Variants in RYR1 observed in about 807,000 individuals in gnomAD.
The protein encoded by RYR1 is ryanodine receptor 1, also known as central core disease of muscle.
Under a neutral mutation model 583.5 loss-of-function variants are expected in RYR1, and 342 were observed. That is an observed-to-expected ratio of 0.59 (90% CI 0.54 to 0.64). The LOEUF (loss-of-function observed/expected upper bound fraction) is 0.64, where lower values mean the gene tolerates loss of function less well. RYR1 is among the 30% of genes least tolerant of loss of function. The pLI is 0.00. For synonymous variants in RYR1, 2,791 were observed against 2,822.5 expected (o/e 0.99, Z 0.35); for missense variants, 6,032 against 6,917.2 (o/e 0.87, Z 4.54).
rs1415215159 is a variant in RYR1 at position 38,532,410 on chromosome 19, A to T, written c.11142-80A>T. The T allele has an allele frequency of 2.1e-6, 3 of 1,433,454 alleles. No homozygotes were observed. The African/African-American group carries it at 4.2e-5, about 20-fold the overall frequency. 88.8% of individuals were successfully genotyped at this position (1,433,454 alleles called of 1,614,324 possible). ...AGTGTTGGGATTACAGGCATGAGCC[A>T]CCGCACCCTGCCCAGAAGCTCTTAT... On this transcript the variant is annotated intron_variant, in intron 76 of 105. Coordinates refer to ENST00000359596, the MANE Select transcript of RYR1 (RefSeq NM_000540.3).
At chr19:38,540,043 G>A (rs867781199) in intron 84 of RYR1, among the ~76,000 whole-genome samples, 2 of 152,248 alleles carry the variant, frequency 1.3e-5, no homozygotes, top group Middle Eastern at 3.4e-3. Context: ...TAGGCAAAAT[G>A]GGCCTTCTGT....
intron 29 of RYR1, among the ~76,000 whole-genome samples, chr19:38,476,225 G>A (rs975360744): frequency 6.6e-5 from 10 of 151,912 alleles, no homozygotes; most frequent in Non-Finnish European, 1.2e-4. Context: ...TTGAGATGGA[G>A]TCTCAGCCTG....
chr19:38,509,134 CGTCTCACCTCAAAGCCTGCCT>C (rs1568517179), intron 58 of RYR1, among the ~76,000 whole-genome samples: 4 of 152,090 alleles, frequency 2.6e-5, no homozygotes. Flanking sequence ...TTCGCTGTCA[CGTCTCACCTCAAAGCCTGCCT>C]GCTGAGCTTC....
Position 38,433,739 on chromosome 19 carries a change from G to A in RYR1, c.-91G>A. 5.6e-6 allele frequency: 4 copies of A among 719,096 alleles called. No homozygotes were observed. The highest frequency in any genetic ancestry group is 7.5e-6 in the Non-Finnish European group (3 of 397,778). The allele number at this position is 719,096 out of a possible 1,614,324, so 44.5% of individuals were successfully genotyped here. On this transcript the variant is annotated 5_prime_UTR_variant, in exon 1 of 106. Coordinates refer to ENST00000359596, the MANE Select transcript of RYR1 (RefSeq NM_000540.3). ...GCCTCTGGTGTCTCCAGAGGTCTCC[G>A]ACCCCAGCCCGCCCCCAGCCCTCCC...
In RYR1 at chr19:38,502,892, G is replaced by A. The variant is rs200708363; in HGVS notation, c.7848G>A (p.Pro2616=). 12 of 1,611,214 alleles carry A rather than the reference G, an allele frequency of 7.4e-6. No homozygotes were observed. The highest frequency in any genetic ancestry group is 2.2e-5 in the East Asian group (1 of 44,876). Residue 2616 remains proline, a synonymous_variant, in exon 49 of 106, where the codon CCG becomes CCA. Transcript: ENST00000359596. ...CLMSLCRYIR[P]SMLQHLLRRL... ...CATTGTCCCGCAGGTACATCCGCCCGTCGATGCTGCAGCACCTGTTGCGCC... is the reference window on the plus strand; with the variant it reads ...CATTGTCCCGCAGGTACATCCGCCCATCGATGCTGCAGCACCTGTTGCGCC...
intron 7 of RYR1, among the ~76,000 whole-genome samples, chr19:38,445,196 C>T (rs1397219407): frequency 8.6e-6 from 1 of 116,874 alleles, no homozygotes; most frequent in Non-Finnish European, 1.6e-5. Context: ...GCAGAGGAGC[C>T]TGGGTGACAG....
In RYR1 at chr19:38,496,105, T is replaced by G; in HGVS notation, c.6549-110T>G. 1 of 898,182 alleles carries G rather than the reference T, an allele frequency of 1.1e-6. No homozygotes were observed. Among genetic ancestry groups the G allele is most frequent in the South Asian group, 1.4e-5 (1 of 73,482 alleles). 55.6% of individuals were successfully genotyped at this position (898,182 alleles called of 1,614,324 possible). ...GAGTTCAGATCTGTAAAGGCGGTGG[T>G]GCTAGGCACAGAGTGAGAGGGTCAA... is the stretch of plus-strand genomic sequence containing the variant. On this transcript the variant is annotated intron_variant, in intron 39 of 105. Transcript: ENST00000359596. The surrounding 1 kb of genome is among the most constrained non-coding windows in gnomAD (Gnocchi z 4.8).
chr19:38,511,444 T>A lies in RYR1; in HGVS notation c.9123-117T>A, dbSNP rs140799636. On this transcript the variant is annotated intron_variant, in intron 60 of 105. Transcript: ENST00000359596. ...CTCCATCATTTGGACCCCCTCCTGG[T>A]TCCTCTCTCCTTGTCTTCTCTGTCC... 1.5e-4 allele frequency: 162 copies of A among 1,064,386 alleles called. 1 individual carries two copies. In the African/African-American group the frequency reaches 2.2e-3, roughly 15 times the overall value. The allele number at this position is 1,064,386 out of a possible 1,614,324, so 65.9% of individuals were successfully genotyped here.
intron 93 of RYR1, among the ~76,000 whole-genome samples, chr19:38,568,579 TA>T (rs1307777032): frequency 4.0e-4 from 15 of 37,248 alleles, no homozygotes; most frequent in Admixed American, 2.0e-3. Context: ...CTACTAAAAA[TA>T]CAAAAAAAAA....
intron 63 of RYR1, 55 bp from the exon 64 acceptor site, chr19:38,514,971 G>C (rs962697041): frequency 2.4e-6 from 3 of 1,224,962 alleles, no homozygotes; most frequent in Non-Finnish European, 3.6e-6. Flanking sequence ...GAGGTGGGGT[G>C]GGGAGGGCTT....
At position 38,565,222 on chromosome 19, in the gene RYR1, G is replaced by C. The variant is rs571850239; in HGVS notation, c.12888G>C (p.Arg4296=). ...CGGCGGCGGCGGGGGCGACGGCGCG[G>C]GTTGTGGCGGCCGCAGGCCGGGCCC... ...AATAAAGATA[R]VVAAAGRALR... Residue 4296 remains arginine (R), a synonymous_variant, in exon 91 of 106, where the codon CGG becomes CGC. Transcript: ENST00000359596. This position sits in a 1 kb window ranked among gnomAD's most constrained non-coding sequence, Gnocchi z 4.7. The C allele has an allele frequency of 6.7e-5, 66 of 990,930 alleles. No homozygotes were observed. In the East Asian group the frequency reaches 3.7e-3, roughly 56 times the overall value. 61.4% of individuals were successfully genotyped at this position (990,930 alleles called of 1,614,324 possible).
intron 49 of RYR1, among the ~76,000 whole-genome samples, chr19:38,503,428 T>G (rs1439055194): frequency 6.6e-6 from 1 of 152,146 alleles, no homozygotes; most frequent in Non-Finnish European, 1.5e-5. Context: ...TACCCCCAAC[T>G]CAGATATTTT....
chr19:38,550,370 C>T (rs1211111883), intron 89 of RYR1, among the ~76,000 whole-genome samples: 2 of 152,060 alleles, frequency 1.3e-5, no homozygotes, highest in African/African-American at 4.8e-5. Context: ...TGTAAAATGT[C>T]GTTCAGTGTG....
In RYR1 at chr19:38,517,587, C is replaced by T. The variant is rs1307787022; in HGVS notation, c.9914C>T (p.Thr3305Ile). Reference protein sequence around the residue: ...ALPAGAPPPCTAVTSDHLNSL... With the variant: ...ALPAGAPPPCIAVTSDHLNSL... ...CCCGCCGGCGCCCCCCCACCCTGCA[C>T]AGCTGTCACCTCTGACCACCTCAAC... The change falls in exon 66 of 106, where the codon ACA (threonine) becomes ATA (isoleucine). Residue 3305 changes from threonine (T) to isoleucine (I), a missense_variant. Coordinates refer to ENST00000359596, the MANE Select transcript of RYR1 (RefSeq NM_000540.3). 1.2e-6 allele frequency: 2 copies of T among 1,614,030 alleles called. No homozygotes were observed. Among genetic ancestry groups the T allele is most frequent in the African/African-American group, 2.7e-5 (2 of 74,926 alleles).
Position 38,578,335 on chromosome 19 carries a change from C to G in RYR1, c.14364+131C>G, listed in dbSNP as rs1019896017. The G allele has an allele frequency of 6.1e-6, 5 of 824,092 alleles. No individual in the cohort carries two copies. The African/African-American group carries it at 6.8e-5, about 11-fold the overall frequency. 51.0% of individuals were successfully genotyped at this position (824,092 alleles called of 1,614,324 possible). The stretch of plus-strand genomic sequence containing the variant: ...AGTGGCTGTGACCCTAGGGTATCTT[C>G]TTATCCACACAAGGCTCCTTATCCC... On this transcript the variant is annotated intron_variant, in intron 99 of 105. Transcript: ENST00000359596.
chr19:38,502,816 C>T (rs374938724), intron 48 of RYR1, 64 bp from the exon 49 acceptor site: 2 of 1,309,942 alleles, frequency 1.5e-6, no homozygotes, highest in East Asian at 2.7e-5. Context: ...GGGGGAGGAG[C>T]AGGGGCAGGG....
At chr19:38,528,225 A>G (rs1971564758) in intron 73 of RYR1, 81 bp from the exon 74 acceptor site, 1 of 1,174,712 alleles carries the variant, frequency 8.5e-7, no homozygotes, top group Non-Finnish European at 1.3e-6. Flanking sequence ...GGACTTCGAC[A>G]CAGCTGGGCA....
chr19:38,483,340 G>T lies in RYR1; in HGVS notation c.4758G>T (p.Pro1586=). 6.4e-7 allele frequency: 1 copy of T among 1,560,598 alleles called. No homozygotes were observed. The highest frequency in any genetic ancestry group is 8.7e-7 in the Non-Finnish European group (1 of 1,152,376). Residue 1586 remains proline (P), a synonymous_variant, in exon 33 of 106, where the codon CCG becomes CCT. Transcript: ENST00000359596. This position sits in a 1 kb window ranked among gnomAD's most constrained non-coding sequence, Gnocchi z 6.3. ...TGTTCCAAAGCGAGCGCAAGAACCC[G>T]GCCCCGCAGTGCCCACCGCGGCTGG... is the stretch of plus-strand genomic sequence containing the variant. ...AAMFQSERKN[P]APQCPPRLEM...
Position 38,566,893 on chromosome 19 carries a change from T to G in RYR1, c.13438-18T>G. 3.8e-6 allele frequency: 6 copies of G among 1,598,198 alleles called. No individual in the cohort carries two copies. Among genetic ancestry groups the G allele is most frequent in the Non-Finnish European group, 5.1e-6 (6 of 1,172,554 alleles). ...GCTTAGGGTGAGGACTCAGCCCTGA[T>G]GCTTGCCCTGTCCCTAGGTGGATGG... On this transcript the variant is annotated intron_variant, in intron 91 of 105. Transcript: ENST00000359596.
Sources: allele counts gnomAD v4.1 joint callset (sites outside exome capture counted in the v4.1 genomes callset), GRCh38; gene constraint gnomAD v4.1.1; non-coding constraint Gnocchi (gnomAD v3.1); transcripts MANE v1.5; gene names NCBI Gene and HGNC (gene_info 2026-07-23, HGNC 2026-07-21).